The following SPATA31D1 variants were observed in gnomAD, a reference collection of about 807,000 sequenced individuals.
SPATA31D1 encodes the protein SPATA31 subfamily D member 1.
SPATA31D1 carries 6 observed loss-of-function variants against 13.2 expected under a neutral mutation model. That is an observed-to-expected ratio of 0.46 (90% CI 0.25 to 0.90). SPATA31D1 has a LOEUF of 0.90. Ranked by LOEUF, SPATA31D1 falls within the 40% of genes least tolerant of loss-of-function variation. SPATA31D1 has a pLI of 0.18. For synonymous variants in SPATA31D1, 903 were observed against 718.8 expected, an observed-to-expected ratio of 1.26 and a Z score of -4.10; for missense variants, 2,445 against 1,884.7, an observed-to-expected ratio of 1.30 and a Z score of -5.50.
chr9:81,989,816 A>G lies in SPATA31D1; in HGVS notation c.225A>G (p.Thr75=), dbSNP rs376373022. 1.2e-5 allele frequency: 20 copies of G among 1,613,560 alleles called. No homozygotes were observed. Among genetic ancestry groups the G allele is most frequent in the African/African-American group, 2.7e-5 (2 of 74,926 alleles). ...CCAAGAGGAGAAGGAAAGGTGGGACATTCAAAGGTAATGTCAGCCTGCTCT... is the reference window on the plus strand; with the variant it reads ...CCAAGAGGAGAAGGAAAGGTGGGACGTTCAAAGGTAATGTCAGCCTGCTCT... The part of the protein sequence containing the change: ...GRAKRRRKGG[T]FKGFPDWKSF... Residue 75 remains threonine (T), a synonymous_variant, in exon 2 of 4, where the codon ACA becomes ACG. Transcript: ENST00000344803.
Position 81,994,584 on chromosome 9 carries a change from GA to G in SPATA31D1, c.4117del (p.Ser1373ValfsTer20). On this transcript the variant is annotated frameshift_variant, in exon 4 of 4. Coordinates refer to ENST00000344803, the MANE Select transcript of SPATA31D1 (RefSeq NM_001001670.3). LOFTEE classifies it low-confidence loss of function (END_TRUNC). ...ACCCAGCATATCATATGAAGAACAA[GA>G]AAGTTCCTGGGAAAAGGGTAGCTCC... Reference protein sequence around the residue: ...NKPSISYEEQESSWEKGSSLS... With the variant: ...NKPSISYEEQXSSWEKGSSLS... 6.2e-7 allele frequency: 1 copy of G among 1,612,872 alleles called. No homozygotes were observed.
Position 81,992,882 on chromosome 9 carries a change from C to T in SPATA31D1, c.2412C>T (p.Asp804=), listed in dbSNP as rs1166957983. The T allele has an allele frequency of 6.2e-7, 1 of 1,613,608 alleles. No individual in the cohort carries two copies. Among genetic ancestry groups the T allele is most frequent in the Non-Finnish European group, 8.5e-7 (1 of 1,179,722 alleles). ...ATCTGAGGTCTAACTCTGAGAGAGA[C>T]CTAGAAACTCATATGATGCATCTGT... ...DKDLRSNSER[D]LETHMMHLSG... The change falls in exon 4 of 4, where the codon GAC becomes GAT. Residue 804 remains aspartate, a synonymous_variant. Coordinates refer to ENST00000344803, the MANE Select transcript of SPATA31D1 (RefSeq NM_001001670.3).
At position 81,993,143 on chromosome 9, in the gene SPATA31D1, A is replaced by G. The variant is rs543104488; in HGVS notation, c.2673A>G (p.Glu891=). The change falls in exon 4 of 4, where the codon GAA becomes GAG. Residue 891 remains glutamate (E), a synonymous_variant. Transcript: ENST00000344803. ...SEDHCVDTSQ[E]ISFLSSNKQK... The stretch of plus-strand genomic sequence containing the variant: ...ACCACTGCGTTGATACTTCCCAGGA[A>G]ATTTCCTTCCTTAGTTCCAACAAAC... The G allele has an allele frequency of 8.7e-5, 141 of 1,613,944 alleles. 1 individual carries two copies. Among genetic ancestry groups the G allele is most frequent in the Admixed American group, 3.7e-4 (22 of 60,014 alleles).
At chr9:81,988,316 C>T (rs1004320959), upstream of SPATA31D1, among the ~76,000 whole-genome samples, 3 of 152,084 alleles carry the variant, frequency 2.0e-5, no homozygotes, top group Non-Finnish European at 2.9e-5. Context: ...CAAAACGAAG[C>T]AAGTATAAAG....
chr9:81,993,854 T>G lies in SPATA31D1; in HGVS notation c.3384T>G (p.Asp1128Glu). 1 of 1,613,958 alleles carries G rather than the reference T, an allele frequency of 6.2e-7. No individual in the cohort carries two copies. The highest frequency in any genetic ancestry group is 8.5e-7 in the Non-Finnish European group (1 of 1,179,868). ...CTGGAGCTGGCTGTGAGTCATGGGA[T>G]AAGAGAAAGAGTTCCTTTCATAATG... The part of the protein sequence containing the change: ...MQAGAGCESW[D>E]KRKSSFHNVD... The change falls in exon 4 of 4, where the codon GAT becomes GAG. Residue 1128 changes from aspartate to glutamate, a missense_variant. Coordinates refer to ENST00000344803, the MANE Select transcript of SPATA31D1 (RefSeq NM_001001670.3).
rs1825068669 is a variant in SPATA31D1 at position 81,994,984 on chromosome 9, T to C, written c.4514T>C (p.Phe1505Ser). ...AGACAGCCCCAGAAAGTTGAGGCAT[T>C]TAAGGGGAAGATACTGTGTCAAAGC... ...KDRQPQKVEA[F>S]KGKILCQSHP... The change falls in exon 4 of 4, where the codon TTT becomes TCT. Residue 1505 changes from phenylalanine to serine, a missense_variant. By Grantham distance (155) the Phe-to-Ser change is radical. Coordinates refer to ENST00000344803, the MANE Select transcript of SPATA31D1 (RefSeq NM_001001670.3). 6.2e-7 allele frequency: 1 copy of C among 1,613,876 alleles called. No homozygotes were observed. Among genetic ancestry groups the C allele is most frequent in the Non-Finnish European group, 8.5e-7 (1 of 1,179,852 alleles).
At position 81,991,882 on chromosome 9, in the gene SPATA31D1, G is replaced by T. The variant is rs926162489; in HGVS notation, c.1412G>T (p.Trp471Leu). ...GACTTGGCAGAATCCTTTCCTTTTT[G>T]GGCCAGTAAAGGCAAACTAGAATGG... is the stretch of plus-strand genomic sequence containing the variant. ...KHDLAESFPF[W>L]ASKGKLEWQH... Residue 471 changes from tryptophan to leucine, a missense_variant, in exon 4 of 4, where the codon TGG becomes TTG. Physicochemically the swap from Trp to Leu is moderately conservative, Grantham distance 61. Transcript: ENST00000344803. The T allele has an allele frequency of 6.2e-7, 1 of 1,613,590 alleles. No homozygotes were observed. The highest frequency in any genetic ancestry group is 8.5e-7 in the Non-Finnish European group (1 of 1,179,690).
In SPATA31D1 at chr9:81,993,090, C is replaced by A. The variant is rs1346441428; in HGVS notation, c.2620C>A (p.Arg874=). The A allele has an allele frequency of 1.2e-6, 2 of 1,613,794 alleles. No individual in the cohort carries two copies. The highest frequency in any genetic ancestry group is 1.7e-6 in the Non-Finnish European group (2 of 1,179,770). ...PEKSHSQIKH[R]NLVTLVSEDH... ...GAAATCCCACAGCCAAATTAAACAT[C>A]GAAATCTGGTAACATTGGTGAGTGA... Residue 874 remains arginine (R), a synonymous_variant, in exon 4 of 4, where the codon CGA becomes AGA. Coordinates refer to ENST00000344803, the MANE Select transcript of SPATA31D1 (RefSeq NM_001001670.3).
chr9:81,992,857 A>G lies in SPATA31D1; in HGVS notation c.2387A>G (p.Asp796Gly), dbSNP rs758526262. ...GGTCCGGAGACTTCTTCAGACAAGG[A>G]TCTGAGGTCTAACTCTGAGAGAGAC... ...LHGPETSSDK[D>G]LRSNSERDLE... Residue 796 changes from aspartate (D) to glycine (G), a missense_variant, in exon 4 of 4, where the codon GAT becomes GGT. Physicochemically the swap from Asp to Gly is moderately conservative, Grantham distance 94 (BLOSUM62 -1). Transcript: ENST00000344803. The G allele has an allele frequency of 1.1e-5, 18 of 1,613,800 alleles. No homozygotes were observed. Among genetic ancestry groups the G allele is most frequent in the Non-Finnish European group, 1.5e-5 (18 of 1,179,720 alleles).
Position 81,993,924 on chromosome 9 carries a change from G to A in SPATA31D1, c.3454G>A (p.Ala1152Thr), listed in dbSNP as rs1478651757. The A allele has an allele frequency of 1.2e-6, 2 of 1,613,856 alleles. No homozygotes were observed. The highest frequency in any genetic ancestry group is 1.7e-6 in the Non-Finnish European group (2 of 1,179,802). The change falls in exon 4 of 4, where the codon GCT becomes ACT. Residue 1152 changes from alanine (A) to threonine (T), a missense_variant. Physicochemically the swap from Ala to Thr is moderately conservative, Grantham distance 58. Coordinates refer to ENST00000344803, the MANE Select transcript of SPATA31D1 (RefSeq NM_001001670.3). The part of the protein sequence containing the change: ...GSRKTFPVTN[A>T]LQSQTRNNLT... ...TAGAAAGACCTTTCCTGTCACCAAT[G>A]CTCTTCAATCACAAACTAGGAACAA...
chr9:81,992,901 C>A lies in SPATA31D1; in HGVS notation c.2431C>A (p.His811Asn). ...GAGAGACCTAGAAACTCATATGATG[C>A]ATCTGTCAGGGAATGACTCAGGGGT... The part of the protein sequence containing the change: ...SERDLETHMM[H>N]LSGNDSGVRL... The change falls in exon 4 of 4, where the codon CAT becomes AAT. Residue 811 changes from histidine (H) to asparagine (N), a missense_variant. Transcript: ENST00000344803. The A allele has an allele frequency of 6.2e-7, 1 of 1,613,788 alleles. No individual in the cohort carries two copies. The highest frequency in any genetic ancestry group is 8.5e-7 in the Non-Finnish European group (1 of 1,179,726).
chr9:81,989,843 T>C lies in SPATA31D1; in HGVS notation c.232+20T>C. On this transcript the variant is annotated intron_variant, in intron 2 of 3. Transcript: ENST00000344803. ...TCAAAGGTAATGTCAGCCTGCTCTA[T>C]CTGAGCTTCAGGGGTGACCCTTTCT... 6.2e-7 allele frequency: 1 copy of C among 1,612,958 alleles called. No individual in the cohort carries two copies. Among genetic ancestry groups the C allele is most frequent in the Non-Finnish European group, 8.5e-7 (1 of 1,179,254 alleles).
chr9:81,994,566 A>T lies in SPATA31D1; in HGVS notation c.4096A>T (p.Ile1366Leu). ...TSLQWFNKPS[I>L]SYEEQESSWE... ...TTTGCAGTGGTTTAATAAACCCAGC[A>T]TATCATATGAAGAACAAGAAAGTTC... Residue 1366 changes from isoleucine to leucine, a missense_variant, in exon 4 of 4, where the codon ATA becomes TTA. Transcript: ENST00000344803. 1.2e-6 allele frequency: 2 copies of T among 1,613,126 alleles called. No homozygotes were observed. Among genetic ancestry groups the T allele is most frequent in the East Asian group, 2.2e-5 (1 of 44,872 alleles).
Position 81,991,047 on chromosome 9 carries a change from T to C in SPATA31D1, c.577T>C (p.Ser193Pro), listed in dbSNP as rs187821915. 1.1e-3 allele frequency: 1,819 copies of C among 1,613,550 alleles called. 16 individuals carry two copies. The African/African-American group carries it at 0.022, about 19-fold the overall frequency. ...AATACTGTCCCCTCGGCCTAAGGCC[T>C]CTCCACCACCCCCCTTAATTCTCTC... ...DLILSPRPKA[S>P]PPPPLILSPD... Residue 193 changes from serine (S) to proline (P), a missense_variant, in exon 4 of 4, where the codon TCT (serine) becomes CCT (proline). Transcript: ENST00000344803.
At position 81,993,726 on chromosome 9, in the gene SPATA31D1, A is replaced by C. The variant is rs774703952; in HGVS notation, c.3256A>C (p.Arg1086=). The change falls in exon 4 of 4, where the codon AGA becomes CGA. Residue 1086 remains arginine (R), a synonymous_variant. Transcript: ENST00000344803. ...TESVRTTEDG[R]QTFLPPPHSI... is the part of the protein sequence containing the mutation. ...AAGTGTCCGGACAACAGAGGATGGC[A>C]GACAGACTTTTCTGCCCCCGCCACA... is the stretch of plus-strand genomic sequence containing the variant. 5 of 1,614,024 alleles carry C rather than the reference A, an allele frequency of 3.1e-6. No homozygotes were observed. The Admixed American group carries it at 8.3e-5, about 27-fold the overall frequency.
At chr9:81,989,419 A>G (rs1450809183) in intron 1 of SPATA31D1, among the ~76,000 whole-genome samples, 8 of 152,166 alleles carry the variant, frequency 5.3e-5, no homozygotes, top group Non-Finnish European at 1.2e-4. Flanking sequence ...TGACCAGAGG[A>G]GTAATGCTGA....
At position 81,988,795 on chromosome 9, in the gene SPATA31D1, T is replaced by A; in HGVS notation, c.-24T>A. On this transcript the variant is annotated 5_prime_UTR_variant, in exon 1 of 4. Coordinates refer to ENST00000344803, the MANE Select transcript of SPATA31D1 (RefSeq NM_001001670.3). The stretch of plus-strand genomic sequence containing the variant: ...TGGGCACCCTCAGTGCTCAGTTGCT[T>A]CAGGCAGCTGAGCTATTCAGACCAT... 6.2e-7 allele frequency: 1 copy of A among 1,612,066 alleles called. No individual in the cohort carries two copies. The highest frequency in any genetic ancestry group is 1.3e-5 in the African/African-American group (1 of 74,986).
At position 81,992,878 on chromosome 9, in the gene SPATA31D1, G is replaced by A. The variant is rs1825005870; in HGVS notation, c.2408G>A (p.Arg803Lys). The change falls in exon 4 of 4, where the codon AGA becomes AAA. Residue 803 changes from arginine to lysine, a missense_variant. By Grantham distance (26) the Arg-to-Lys change is conservative. Transcript: ENST00000344803. ...AAGGATCTGAGGTCTAACTCTGAGA[G>A]AGACCTAGAAACTCATATGATGCAT... ...SDKDLRSNSE[R>K]DLETHMMHLS... The A allele has an allele frequency of 6.2e-7, 1 of 1,613,804 alleles. No homozygotes were observed. Among genetic ancestry groups the A allele is most frequent in the East Asian group, 2.2e-5 (1 of 44,868 alleles).
Position 81,993,018 on chromosome 9 carries a change from G to A in SPATA31D1, c.2548G>A (p.Val850Met), listed in dbSNP as rs767801695. The change falls in exon 4 of 4, where the codon GTG becomes ATG. Residue 850 changes from valine (V) to methionine (M), a missense_variant. Coordinates refer to ENST00000344803, the MANE Select transcript of SPATA31D1 (RefSeq NM_001001670.3). The part of the protein sequence containing the change: ...EINEGRMPGT[V>M]HSSWHSVKQT... ...CAATGAGGGTCGAATGCCTGGGACTGTGCATAGTTCATGGCACTCAGTCAA... is the reference window on the plus strand; with the variant it reads ...CAATGAGGGTCGAATGCCTGGGACTATGCATAGTTCATGGCACTCAGTCAA... The A allele has an allele frequency of 6.2e-7, 1 of 1,613,656 alleles. No individual in the cohort carries two copies. The highest frequency in any genetic ancestry group is 1.3e-5 in the African/African-American group (1 of 74,922).
Sources: gnomAD v4.1 joint callset for allele counts (sites outside exome capture counted in the v4.1 genomes callset) on GRCh38, gnomAD v4.1.1 for gene constraint, MANE v1.5 for transcripts, NCBI Gene and HGNC (gene_info 2026-07-23, HGNC 2026-07-21) for gene names.